The following DMRT1 variants were observed in gnomAD, a reference collection of about 807,000 sequenced individuals.
DMRT1 encodes doublesex and mab-3 related transcription factor 1, also known as doublesex- and mab-3-related transcription factor 1.
DMRT1 carries 7 observed loss-of-function variants against 32.3 expected under a neutral mutation model. That is an observed-to-expected ratio of 0.22 (90% CI 0.12 to 0.41). DMRT1 has a LOEUF of 0.41. DMRT1 is among the 10% of genes least tolerant of loss of function. The probability of loss-of-function intolerance (pLI) is 1.00; values close to 1 mark genes in which losing one functional copy is unlikely to be tolerated. For synonymous variants in DMRT1, 278 were observed against 206.1 expected (o/e 1.35, Z -2.99); for missense variants, 625 against 500.5 (o/e 1.25, Z -2.37).
At position 870,709 on chromosome 9, in the gene DMRT1, C is replaced by CTTTTTTTTTTTTTTTTTTTTTTTT. The variant is rs58893896; in HGVS notation, c.539-23183_539-23182insTTTTTTTTTTTTTTTTTTTTTTTT. ...GTTCCCATATTTCTCATTTTCTTGA[C>CTTTTTTTTTTTTTTTTTTTTTTTT]TTTTTTTTTTTTTTTTTTTTGAGAC... On this transcript the variant is annotated intron_variant, in intron 2 of 4. Coordinates refer to ENST00000382276, the MANE Select transcript of DMRT1 (RefSeq NM_021951.3). 5.0e-4 allele frequency among the ~76,000 whole-genome samples: 35 copies of CTTTTTTTTTTTTTTTTTTTTTTTT among 69,558 alleles called. 11 individuals are homozygous for CTTTTTTTTTTTTTTTTTTTTTTTT. Among genetic ancestry groups the CTTTTTTTTTTTTTTTTTTTTTTTT allele is most frequent in the African/African-American group, 2.0e-3 (30 of 15,256 alleles). 45.6% of individuals were successfully genotyped at this position (69,558 alleles called of 152,430 possible). A position where few individuals can be genotyped will look rare whatever the true frequency, so the allele number is the denominator to read the frequency against.
At chr9:920,618 A>G (rs1020401619) in intron 4 of DMRT1, among the ~76,000 whole-genome samples, 2 of 152,210 alleles carry the variant, frequency 1.3e-5, no homozygotes, top group African/African-American at 4.8e-5. Context: ...TGTAAGAGGA[A>G]TAGTGGGATG....
intron 4 of DMRT1, among the ~76,000 whole-genome samples, chr9:930,318 GA>G (rs1818669216): frequency 7.2e-6 from 1 of 138,836 alleles, no homozygotes; most frequent in Non-Finnish European, 1.5e-5. Flanking sequence ...CAAGTCATCT[GA>G]ATTCCTTGGC....
chr9:959,890 A>G (rs1819717143), intron 4 of DMRT1, among the ~76,000 whole-genome samples: 1 of 152,160 alleles, frequency 6.6e-6, no homozygotes, highest in Non-Finnish European at 1.5e-5. Flanking sequence ...GTCCTGTTTT[A>G]TGGTTGCAGT....
intron 4 of DMRT1, among the ~76,000 whole-genome samples, chr9:941,395 G>GTTAT (rs1437154820): frequency 7.0e-6 from 1 of 143,022 alleles, no homozygotes; most frequent in East Asian, 2.1e-4. Flanking sequence ...TTATAACATG[G>GTTAT]ATGAACCTTG....
At chr9:903,356 C>G (rs1394877490) in intron 3 of DMRT1, among the ~76,000 whole-genome samples, 1 of 152,028 alleles carries the variant, frequency 6.6e-6, no homozygotes. Context: ...CCTACCAGCA[C>G]TTTCACCAAG....
At chr9:942,766 T>C (rs1467712473) in intron 4 of DMRT1, among the ~76,000 whole-genome samples, 1 of 152,180 alleles carries the variant, frequency 6.6e-6, no homozygotes, top group Non-Finnish European at 1.5e-5. Flanking sequence ...CATGAGTTTA[T>C]TTGTGCATGT....
At chr9:888,223 A>C (rs972016577) in intron 2 of DMRT1, among the ~76,000 whole-genome samples, 1 of 152,224 alleles carries the variant, frequency 6.6e-6, no homozygotes, top group Non-Finnish European at 1.5e-5. Context: ...TGGCAGCGAT[A>C]CACACACAGT....
At chr9:845,622 C>G (rs1321306242) in intron 1 of DMRT1, among the ~76,000 whole-genome samples, 1 of 152,140 alleles carries the variant, frequency 6.6e-6, no homozygotes. Context: ...TCTGGAATAT[C>G]ACACACCTGT....
At chr9:905,560 C>T in intron 3 of DMRT1, among the ~76,000 whole-genome samples, 1 of 150,938 alleles carries the variant, frequency 6.6e-6, no homozygotes, top group Non-Finnish European at 1.5e-5. Flanking sequence ...TTAAAATCAC[C>T]TTTAAAGTGT....
intron 4 of DMRT1, among the ~76,000 whole-genome samples, chr9:945,935 G>A (rs1351532958): frequency 1.3e-5 from 2 of 151,960 alleles, no homozygotes; most frequent in Non-Finnish European, 2.9e-5. Context: ...TTTAACATAA[G>A]GGGTGTTGTA....
chr9:940,845 C>G (rs1819041709), intron 4 of DMRT1, among the ~76,000 whole-genome samples: 1 of 152,148 alleles, frequency 6.6e-6, no homozygotes, highest in Non-Finnish European at 1.5e-5. Flanking sequence ...AACTCAGCAA[C>G]AGCAAAACAA....
intron 4 of DMRT1, among the ~76,000 whole-genome samples, chr9:952,790 G>A (rs1175463927): frequency 2.0e-5 from 3 of 152,238 alleles, no homozygotes; most frequent in Non-Finnish European, 4.4e-5. Flanking sequence ...GGAGGAGTGT[G>A]TGGGTTGGAG....
In DMRT1 at chr9:968,892, C is replaced by T. The variant is rs1166850729; in HGVS notation, c.*753C>T. 1 of 152,492 alleles carries T rather than the reference C, an allele frequency of 6.6e-6. No homozygotes were observed. Among genetic ancestry groups the T allele is most frequent in the Non-Finnish European group, 1.5e-5 (1 of 68,046 alleles). 9.4% of individuals were successfully genotyped at this position (152,492 alleles called of 1,614,324 possible). A position where few individuals can be genotyped will look rare whatever the true frequency, so the allele number is the denominator to read the frequency against. ...ATGGATGCAGTCTGGACTGTTGTAA[C>T]CTTAGGTTGTAATCTGATTTGGAAA... On this transcript the variant is annotated 3_prime_UTR_variant, in exon 5 of 5. Coordinates refer to ENST00000382276, the MANE Select transcript of DMRT1 (RefSeq NM_021951.3).
intron 2 of DMRT1, among the ~76,000 whole-genome samples, chr9:885,800 G>A (rs1816905632): frequency 1.3e-5 from 2 of 152,170 alleles, no homozygotes; most frequent in Non-Finnish European, 2.9e-5. Context: ...CCTCTACCCA[G>A]CACTTCCCTG....
At chr9:918,403 A>G (rs1818250047) in intron 4 of DMRT1, among the ~76,000 whole-genome samples, 1 of 152,234 alleles carries the variant, frequency 6.6e-6, no homozygotes, top group African/African-American at 2.4e-5. Context: ...GCAAGGCAGT[A>G]AGACAAAAAT....
At position 965,436 on chromosome 9, in the gene DMRT1, T is replaced by C. The variant is rs186709879; in HGVS notation, c.968-2549T>C. 4.6e-5 allele frequency among the ~76,000 whole-genome samples: 7 copies of C among 152,328 alleles called. No homozygotes were observed. Among genetic ancestry groups the C allele is most frequent in the Admixed American group, 3.3e-4 (5 of 15,306 alleles). On this transcript the variant is annotated intron_variant, in intron 4 of 4. Transcript: ENST00000382276. The surrounding 1 kb of genome is among the most constrained non-coding windows in gnomAD (Gnocchi z 4.5). The stretch of plus-strand genomic sequence containing the variant: ...GCCCCGCTAGTCCATGCAGGTAATA[T>C]TCTGCATGCTTTGTGGCCCCACGTC...
intron 2 of DMRT1, among the ~76,000 whole-genome samples, chr9:870,622 G>A (rs1056146413): frequency 1.8e-4 from 27 of 151,378 alleles, no homozygotes; most frequent in African/African-American, 6.3e-4. Flanking sequence ...GGTCTCTGTT[G>A]GGTCCAAGAA....
chr9:932,088 C>T (rs80215029), intron 4 of DMRT1, among the ~76,000 whole-genome samples: 7,610 of 152,232 alleles, frequency 0.05, 424 homozygotes, highest in East Asian at 0.18. Context: ...AGATAGAGAA[C>T]GCAGTGGTCA....
chr9:861,431 G>C (rs1265262543), intron 2 of DMRT1, among the ~76,000 whole-genome samples: 4 of 152,306 alleles, frequency 2.6e-5, no homozygotes, highest in Middle Eastern at 3.4e-3. Flanking sequence ...ATTTTTCCTA[G>C]TACAGAACAA....
Sources: gnomAD v4.1 joint callset for allele counts (sites outside exome capture counted in the v4.1 genomes callset) on GRCh38, gnomAD v4.1.1 for gene constraint, Gnocchi (gnomAD v3.1) non-coding constraint, MANE v1.5 for transcripts, NCBI Gene and HGNC (gene_info 2026-07-23, HGNC 2026-07-21) for gene names.